The following CDK5RAP2 variants were observed in gnomAD, a reference collection of about 807,000 sequenced individuals.
CDK5RAP2 encodes CDK5 regulatory subunit associated protein 2.
Under a neutral mutation model 232.9 loss-of-function variants are expected in CDK5RAP2, and 147 were observed. The observed-to-expected ratio is 0.63, with a 90% CI of 0.55 to 0.72. CDK5RAP2 has a LOEUF of 0.72. Among genes scored for constraint, CDK5RAP2 ranks in the 30% least tolerant of loss-of-function variants. The pLI, the probability that CDK5RAP2 is intolerant of heterozygous loss-of-function variation, is 0.00. For synonymous variants in CDK5RAP2, 833 were observed against 833.7 expected, an observed-to-expected ratio of 1.00 and a Z score of 0.01; for missense variants, 2,195 against 2,231.5, an observed-to-expected ratio of 0.98 and a Z score of 0.33.
intron 13 of CDK5RAP2, among the ~76,000 whole-genome samples, chr9:120,489,185 C>T (rs932749815): frequency 5.3e-5 from 8 of 152,146 alleles, no homozygotes; most frequent in Admixed American, 5.2e-4. Flanking sequence ...TTCTGGTTTC[C>T]AATGTTGCTG....
chr9:120,490,165 T>G (rs749260942), intron 13 of CDK5RAP2, among the ~76,000 whole-genome samples: 2 of 152,192 alleles, frequency 1.3e-5, no homozygotes, highest in Non-Finnish European at 2.9e-5. Context: ...CACCTACTTT[T>G]AGGGGTTAGA....
chr9:120,472,695 C>T (rs373846262), intron 15 of CDK5RAP2, among the ~76,000 whole-genome samples: 56 of 152,244 alleles, frequency 3.7e-4, no homozygotes, highest in African/African-American at 1.1e-3. Context: ...CTAAGCTGTA[C>T]AGAGAGCTTG....
rs1446303721 is a variant in CDK5RAP2 at position 120,545,750 on chromosome 9, T to C, written c.347A>G (p.Glu116Gly). Residue 116 changes from glutamate to glycine, a missense_variant, in exon 5 of 38, where the codon GAA (glutamate) becomes GGA (glycine). Coordinates refer to ENST00000349780, the MANE Select transcript of CDK5RAP2 (RefSeq NM_018249.6). ...GAGCAGCTGCTCTCTCTCCTGGAGT[T>C]CCCGCTTCAGACTTTCTACTTCCAC... is the stretch of plus-strand genomic sequence containing the variant. ...LKVEVESLKR[E>G]LQEREQLLIK... 2 of 1,613,934 alleles carry C rather than the reference T, an allele frequency of 1.2e-6. No homozygotes were observed. Among genetic ancestry groups the C allele is most frequent in the Admixed American group, 1.7e-5 (1 of 60,012 alleles).
intron 13 of CDK5RAP2, 40 bp downstream of exon 13, chr9:120,491,267 C>T (rs2038889348): frequency 6.9e-7 from 1 of 1,448,490 alleles, no homozygotes; most frequent in Non-Finnish European, 9.7e-7. Flanking sequence ...AAAATCAACC[C>T]ATGCCAAATT....
At chr9:120,520,109 TTAA>T (rs1243263661) in intron 11 of CDK5RAP2, among the ~76,000 whole-genome samples, 2 of 152,258 alleles carry the variant, frequency 1.3e-5, no homozygotes, top group Non-Finnish European at 2.9e-5. Flanking sequence ...CCTCTATTTT[TTAA>T]ATTATTATTT....
chr9:120,515,472 C>G (rs1237098077), intron 12 of CDK5RAP2, among the ~76,000 whole-genome samples: 2 of 152,194 alleles, frequency 1.3e-5, no homozygotes, highest in African/African-American at 4.8e-5. Context: ...AAAAATAAAA[C>G]TTTCAGGAGT....
At chr9:120,560,532 T>C (rs1307582675) in intron 3 of CDK5RAP2, among the ~76,000 whole-genome samples, 1 of 152,210 alleles carries the variant, frequency 6.6e-6, no homozygotes, top group Admixed American at 6.5e-5. Context: ...CTCAAGACAG[T>C]ATGGCATCTT....
At chr9:120,505,208 C>T (rs1473593059) in intron 12 of CDK5RAP2, among the ~76,000 whole-genome samples, 1 of 151,988 alleles carries the variant, frequency 6.6e-6, no homozygotes, top group Non-Finnish European at 1.5e-5. Flanking sequence ...CTCTGTGTCG[C>T]CTTTTGGTAA....
chr9:120,525,603 T>G (rs142599579), intron 10 of CDK5RAP2, among the ~76,000 whole-genome samples: 1 of 151,974 alleles, frequency 6.6e-6, no homozygotes, highest in Admixed American at 6.5e-5. Context: ...CTCCCCCACA[T>G]GTGATACAAT....
chr9:120,529,993 C>T lies in CDK5RAP2; in HGVS notation c.810G>A (p.Lys270=). 1.2e-6 allele frequency: 2 copies of T among 1,613,916 alleles called. No homozygotes were observed. The highest frequency in any genetic ancestry group is 1.7e-6 in the Non-Finnish European group (2 of 1,179,876). ...GTCACCTCACCTCAGTTTCTCTCTCCTTTTCTTCCCTTGGAGCAGCACAAA... is the reference window on the plus strand; with the variant it reads ...GTCACCTCACCTCAGTTTCTCTCTCTTTTTCTTCCCTTGGAGCAGCACAAA... ...RGLCAAPREE[K]ERETEAAQME... is the part of the protein sequence containing the mutation. The change falls in exon 8 of 38, where the codon AAG becomes AAA. Residue 270 remains lysine (K), a synonymous_variant. Transcript: ENST00000349780.
chr9:120,449,468 T>A (rs559470205), intron 21 of CDK5RAP2, among the ~76,000 whole-genome samples: 1 of 152,340 alleles, frequency 6.6e-6, no homozygotes, highest in Admixed American at 6.5e-5. Flanking sequence ...AGGCTTTGCA[T>A]ATCTTGGCCA....
intron 34 of CDK5RAP2, 128 bp downstream of exon 34, chr9:120,402,678 G>T: frequency 9.4e-7 from 1 of 1,061,686 alleles, no homozygotes. Context: ...TGAGCTCTCT[G>T]AGGCCACACT....
chr9:120,498,318 T>C (rs541216827), intron 12 of CDK5RAP2, among the ~76,000 whole-genome samples: 1 of 152,282 alleles, frequency 6.6e-6, no homozygotes, highest in South Asian at 2.1e-4. Flanking sequence ...CGACCTGGTG[T>C]TGGGTCTGAT....
intron 12 of CDK5RAP2, among the ~76,000 whole-genome samples, chr9:120,510,022 T>C (rs556844063): frequency 1.3e-5 from 2 of 152,252 alleles, no homozygotes; most frequent in South Asian, 2.1e-4. Flanking sequence ...GTAAAAAATA[T>C]AGTACCTCAG....
At chr9:120,518,165 C>CTG (rs56032707) in intron 12 of CDK5RAP2, among the ~76,000 whole-genome samples, 20,285 of 111,078 alleles carry the variant, frequency 0.18, 1,844 homozygotes, top group Non-Finnish European at 0.23. Context: ...GATAACAACT[C>CTG]TGTGTGTGTG....
At position 120,580,026 on chromosome 9, in the gene CDK5RAP2, T is replaced by G; in HGVS notation, c.-48A>C. 2 of 1,302,710 alleles carry G rather than the reference T, an allele frequency of 1.5e-6. No homozygotes were observed. Among genetic ancestry groups the G allele is most frequent in the Non-Finnish European group, 2.2e-6 (2 of 904,240 alleles). The allele number at this position is 1,302,710 out of a possible 1,614,324, so 80.7% of individuals were successfully genotyped here. The stretch of plus-strand genomic sequence containing the variant: ...TTGGTGTCTGTGGCGGCGGCGCCAC[T>G]AGTACCCCCCGCGATAGCGACCCGC... On this transcript the variant is annotated 5_prime_UTR_variant, in exon 1 of 38. Transcript: ENST00000349780.
intron 7 of CDK5RAP2, among the ~76,000 whole-genome samples, chr9:120,533,591 CAAGA>C (rs2041251298): frequency 6.6e-6 from 1 of 151,822 alleles, no homozygotes; most frequent in Non-Finnish European, 1.5e-5. Flanking sequence ...GTCAGGTGTT[CAAGA>C]CCAGCCTGGC....
intron 8 of CDK5RAP2, 149 bp from the exon 9 acceptor site, chr9:120,528,946 C>G (rs2041027447): frequency 1.5e-6 from 1 of 678,828 alleles, no homozygotes; most frequent in Admixed American, 2.1e-5. Context: ...CCTCTCTCCA[C>G]CCCACCCAAA....
chr9:120,462,037 C>T (rs1041217042), intron 18 of CDK5RAP2, among the ~76,000 whole-genome samples: 1 of 152,168 alleles, frequency 6.6e-6, no homozygotes, highest in Admixed American at 6.5e-5. Context: ...AGAGGAACAA[C>T]CTTGTTGTGG....
Sources: gnomAD v4.1 joint callset for allele counts (sites outside exome capture counted in the v4.1 genomes callset) on GRCh38, gnomAD v4.1.1 for gene constraint, MANE v1.5 for transcripts, NCBI Gene and HGNC (gene_info 2026-07-23, HGNC 2026-07-21) for gene names.